DENND1A: variants seen among roughly 807,000 people sequenced by gnomAD.
The protein encoded by DENND1A is DENN domain containing 1A.
DENND1A carries 51 observed loss-of-function variants against 113.7 expected under a neutral mutation model. The observed-to-expected ratio is 0.45, with a 90% CI of 0.36 to 0.57. DENND1A has a LOEUF of 0.57. DENND1A is among the 20% of genes least tolerant of loss of function. The probability of loss-of-function intolerance (pLI) is 0.00; values close to 1 mark genes in which losing one functional copy is unlikely to be tolerated. For missense variants in DENND1A, 1,258 were observed against 1,395.9 expected (o/e 0.90, Z 1.57); for synonymous variants, 565 against 570.8 (o/e 0.99, Z 0.14).
chr9:123,721,161 C>T (rs1483879439), intron 5 of DENND1A, among the ~76,000 whole-genome samples: 3 of 152,230 alleles, frequency 2.0e-5, no homozygotes, highest in Non-Finnish European at 4.4e-5. Flanking sequence ...AAATGATTTT[C>T]TAACACACAA....
intron 13 of DENND1A, among the ~76,000 whole-genome samples, chr9:123,518,602 A>T (rs546181415): frequency 6.6e-6 from 1 of 152,180 alleles, no homozygotes; most frequent in Non-Finnish European, 1.5e-5. Context: ...AATTTATTTT[A>T]AAAAATGACT....
At chr9:123,541,819 T>G (rs1436855990) in intron 13 of DENND1A, among the ~76,000 whole-genome samples, 1 of 152,110 alleles carries the variant, frequency 6.6e-6, no homozygotes, top group African/African-American at 2.4e-5. Flanking sequence ...GAAAACAATT[T>G]TACGAGGGTG....
intron 21 of DENND1A, chr9:123,401,518 T>G (rs2043462325): frequency 1.6e-6 from 2 of 1,285,264 alleles, no homozygotes; most frequent in Admixed American, 6.7e-5. Flanking sequence ...CCCGAGCCAC[T>G]GTGACGTACG....
chr9:123,857,155 G>A (rs1014063833), intron 2 of DENND1A, among the ~76,000 whole-genome samples: 3 of 151,502 alleles, frequency 2.0e-5, no homozygotes, highest in Non-Finnish European at 4.4e-5. Context: ...AGGAACCTTG[G>A]GAAAATGGCA....
At chr9:123,845,323 G>C (rs183487068) in intron 2 of DENND1A, among the ~76,000 whole-genome samples, 7 of 152,228 alleles carry the variant, frequency 4.6e-5, no homozygotes, top group African/African-American at 1.7e-4. Context: ...ACGTTTGAAA[G>C]AATAAAGTTA....
chr9:123,815,767 C>T (rs935165405), intron 2 of DENND1A, among the ~76,000 whole-genome samples: 12 of 151,956 alleles, frequency 7.9e-5, no homozygotes, highest in Non-Finnish European at 1.5e-4. Context: ...CCAAACTGAC[C>T]GTATTCTCCT....
intron 7 of DENND1A, 58 bp downstream of exon 7, chr9:123,671,233 T>A (rs2063747100): frequency 1.1e-5 from 17 of 1,598,576 alleles, no homozygotes; most frequent in Non-Finnish European, 1.4e-5. Context: ...GCTAGCTCCC[T>A]CTTACTGTCA....
chr9:123,684,050 C>T (rs2064647297), intron 5 of DENND1A, among the ~76,000 whole-genome samples: 1 of 152,126 alleles, frequency 6.6e-6, no homozygotes, highest in Non-Finnish European at 1.5e-5. Context: ...CAAAGTAGAT[C>T]AAGGAATACT....
At position 123,457,865 on chromosome 9, in the gene DENND1A, G is replaced by C. The variant is rs770150522; in HGVS notation, c.1026C>G (p.Phe342Leu). The C allele has an allele frequency of 1.9e-6, 3 of 1,612,580 alleles. No individual in the cohort carries two copies. The highest frequency in any genetic ancestry group is 2.5e-6 in the Non-Finnish European group (3 of 1,179,336). ...EEPITFCEEA[F>L]VSHYRSGAMR... ...TGGCTCCGGAGCGGTAGTGGGACACGAAGGCTTCCTCACAGAAAGTGATCG... is the reference window on the plus strand; with the variant it reads ...TGGCTCCGGAGCGGTAGTGGGACACCAAGGCTTCCTCACAGAAAGTGATCG... Residue 342 changes from phenylalanine to leucine, a missense_variant, in exon 14 of 24, where the codon TTC becomes TTG. Around this residue, in one of 2 missense-constraint regions of DENND1A, gnomAD observed 1,159 missense variants for 1,231.7 expected, o/e 0.94. Coordinates refer to ENST00000394215, the MANE Select transcript of DENND1A (RefSeq NM_001352964.2).
At chr9:123,785,381 G>C (rs1831980715) in intron 3 of DENND1A, among the ~76,000 whole-genome samples, 1 of 151,936 alleles carries the variant, frequency 6.6e-6, no homozygotes, top group Non-Finnish European at 1.5e-5. Context: ...AAACAAAAAA[G>C]TGTTTTTTCT....
At position 123,391,458 on chromosome 9, in the gene DENND1A, G is replaced by C. The variant is rs78625746; in HGVS notation, c.1632-3600C>G. On this transcript the variant is annotated intron_variant, in intron 21 of 23. Transcript: ENST00000394215. ...CAAAGTAGCCAAGGCTCAGAGAGGG[G>C]GAGTCACTTGCCCAGGGTCACACAG... Among the ~76,000 whole-genome samples the C allele has an allele frequency of 1.1e-4, 17 of 152,284 alleles. No individual in the cohort carries two copies. The East Asian group carries it at 3.1e-3, about 28-fold the overall frequency.
intron 13 of DENND1A, among the ~76,000 whole-genome samples, chr9:123,486,016 G>A (rs1304409365): frequency 1.3e-5 from 2 of 152,156 alleles, no homozygotes; most frequent in African/African-American, 4.8e-5. Flanking sequence ...GCATACCCCG[G>A]GTGCCATAGA....
chr9:123,696,482 T>C (rs1181074981), intron 5 of DENND1A, among the ~76,000 whole-genome samples: 2 of 152,196 alleles, frequency 1.3e-5, no homozygotes, highest in East Asian at 3.8e-4. Context: ...GTGGGTACAG[T>C]AGGTTGTTCA....
chr9:123,393,524 G>A (rs2051075), intron 21 of DENND1A, among the ~76,000 whole-genome samples: 5 of 150,652 alleles, frequency 3.3e-5, no homozygotes, highest in Non-Finnish European at 7.4e-5. Context: ...CAGCTAGACC[G>A]CATCTTAAAA....
chr9:123,536,466 CAAAAAAA>C (rs549789129), intron 13 of DENND1A, among the ~76,000 whole-genome samples: 3 of 91,766 alleles, frequency 3.3e-5, no homozygotes, highest in East Asian at 6.7e-4. Flanking sequence ...ACTCTGTCTC[CAAAAAAA>C]AAAAAAAAAG....
chr9:123,593,971 C>T (rs2137134622), intron 11 of DENND1A, among the ~76,000 whole-genome samples: 1 of 152,286 alleles, frequency 6.6e-6, no homozygotes, highest in African/African-American at 2.4e-5. Flanking sequence ...CTTTCTCCTG[C>T]TGGCCATGTG....
chr9:123,461,285 G>A (rs934288956), intron 13 of DENND1A, among the ~76,000 whole-genome samples: 6 of 152,140 alleles, frequency 3.9e-5, no homozygotes, highest in African/African-American at 1.4e-4. Flanking sequence ...CTCTCACCAG[G>A]AGCTCAAGGG....
At chr9:123,442,730 C>T (rs1372392244) in intron 18 of DENND1A, among the ~76,000 whole-genome samples, 4 of 152,130 alleles carry the variant, frequency 2.6e-5, no homozygotes, top group East Asian at 1.9e-4. Context: ...TCTTAGTTCA[C>T]GCTTATAAGT....
chr9:123,635,115 T>G (rs2061641620), intron 9 of DENND1A, among the ~76,000 whole-genome samples: 1 of 151,890 alleles, frequency 6.6e-6, no homozygotes, highest in African/African-American at 2.4e-5. Context: ...TTCTCAGAGA[T>G]AAAGCCCAGA....
Sources: allele counts gnomAD v4.1 joint callset (sites outside exome capture counted in the v4.1 genomes callset), GRCh38; gene constraint gnomAD v4.1.1; regional missense constraint gnomAD v4.1.1; transcripts MANE v1.5; gene names NCBI Gene and HGNC (gene_info 2026-07-23, HGNC 2026-07-21).